Variants in CCT6B observed in about 807,000 individuals in gnomAD.
The protein encoded by CCT6B is probable T-complex protein 1 subunit zeta-2.
CCT6B carries 49 observed loss-of-function variants against 61.5 expected under a neutral mutation model. The observed-to-expected ratio is 0.80, with a 90% CI of 0.63 to 1.01. The LOEUF is 1.01. Ranked by LOEUF, CCT6B falls within the 50% of genes least tolerant of loss-of-function variation. The pLI, the probability that CCT6B is intolerant of heterozygous loss-of-function variation, is 0.00. For missense variants in CCT6B, 666 were observed against 634.7 expected, an observed-to-expected ratio of 1.05 and a Z score of -0.53; for synonymous variants, 228 against 214.5, an observed-to-expected ratio of 1.06 and a Z score of -0.55.
intron 13 of CCT6B, among the ~76,000 whole-genome samples, chr17:34,928,326 G>A (rs2089992656): frequency 6.6e-6 from 1 of 150,854 alleles, no homozygotes; most frequent in Non-Finnish European, 1.5e-5. Flanking sequence ...AGGCTGAAGT[G>A]CAATGGCAAG....
At chr17:34,944,145 A>T (rs1369311230) in intron 5 of CCT6B, 2 of 152,178 alleles carry the variant, frequency 1.3e-5, no homozygotes. Context: ...TATGTTCAAC[A>T]TTCCTCACTC....
rs140139242 is a variant in CCT6B, at chr17:34,961,166, T to G, written c.137+91A>C. ...GAGGGAAATCAAGCTCGCAAGAACA[T>G]CCACAGCGCTACGCGGACGCCTGCC... On this transcript the variant is annotated intron_variant, in intron 1 of 13. Coordinates refer to ENST00000314144, the MANE Select transcript of CCT6B (RefSeq NM_006584.4). The G allele has an allele frequency of 1.6e-4, 232 of 1,438,684 alleles. No individual in the cohort carries two copies. The African/African-American group carries it at 2.5e-3, about 15-fold the overall frequency. The allele number at this position is 1,438,684 out of a possible 1,614,324, so 89.1% of individuals were successfully genotyped here.
chr17:34,933,234 C>G (rs1447664105), intron 10 of CCT6B, among the ~76,000 whole-genome samples: 16 of 152,116 alleles, frequency 1.1e-4, no homozygotes, highest in Non-Finnish European at 2.4e-4. Context: ...TGTACTGCAG[C>G]AGAACTCAAA....
rs1012332350 is a variant in CCT6B at position 34,961,183 on chromosome 17, A to G, written c.137+74T>C. On this transcript the variant is annotated intron_variant, in intron 1 of 13. Transcript: ENST00000314144. ...CAAGAACATCCACAGCGCTACGCGG[A>G]CGCCTGCCTCAGAGGGCGACAGGAC... 6.0e-6 allele frequency: 9 copies of G among 1,505,912 alleles called. No homozygotes were observed. In the Admixed American group the frequency reaches 8.2e-5, roughly 14 times the overall value. 93.3% of individuals were successfully genotyped at this position (1,505,912 alleles called of 1,614,324 possible). A position where few individuals can be genotyped will look rare whatever the true frequency, so the allele number is the denominator to read the frequency against.
chr17:34,929,581 T>G (rs185154940), intron 12 of CCT6B, among the ~76,000 whole-genome samples: 4 of 150,866 alleles, frequency 2.7e-5, no homozygotes, highest in Admixed American at 2.6e-4. Context: ...TGGTGCCATC[T>G]CGGCTCCCTG....
At chr17:34,959,291 A>ATTTTTTT (rs1160595019) in intron 2 of CCT6B, among the ~76,000 whole-genome samples, 1 of 129,472 alleles carries the variant, frequency 7.7e-6, no homozygotes. Flanking sequence ...ACTGAGCAAA[A>ATTTTTTT]TTTTTTTTTT....
At chr17:34,945,158 A>G (rs2090209305) in intron 5 of CCT6B, among the ~76,000 whole-genome samples, 1 of 152,048 alleles carries the variant, frequency 6.6e-6, no homozygotes, top group African/African-American at 2.4e-5. Context: ...CTAAACATCC[A>G]AGTTCCTAGG....
chr17:34,928,346 T>C lies in CCT6B; in HGVS notation c.1524-229A>G, dbSNP rs565708026. Among the ~76,000 whole-genome samples the C allele has an allele frequency of 3.9e-5, 6 of 152,138 alleles. No homozygotes were observed. In the East Asian group the frequency reaches 1.2e-3, roughly 29 times the overall value. On this transcript the variant is annotated intron_variant, in intron 13 of 13. Coordinates refer to ENST00000314144, the MANE Select transcript of CCT6B (RefSeq NM_006584.4). ...GAAGTGCAATGGCAAGACCTCAGCTTACTGCAACTTCTGCCTCCCAGGTTC... is the reference window on the plus strand; with the variant it reads ...GAAGTGCAATGGCAAGACCTCAGCTCACTGCAACTTCTGCCTCCCAGGTTC...
Position 34,952,125 on chromosome 17 carries a change from A to G in CCT6B, c.511-72T>C, listed in dbSNP as rs1056663375. 17 of 908,910 alleles carry G rather than the reference A, an allele frequency of 1.9e-5. No homozygotes were observed. In the African/African-American group the frequency reaches 2.5e-4, roughly 13 times the overall value. The allele number at this position is 908,910 out of a possible 1,614,324, so 56.3% of individuals were successfully genotyped here. A position where few individuals can be genotyped will look rare whatever the true frequency, so the allele number is the denominator to read the frequency against. On this transcript the variant is annotated intron_variant, in intron 4 of 13. Transcript: ENST00000314144. ...AATAAACCAAGGGCCCAAACAATCTATCACCAGACTAAGGAGATAAAAGCC... is the reference window on the plus strand; with the variant it reads ...AATAAACCAAGGGCCCAAACAATCTGTCACCAGACTAAGGAGATAAAAGCC...
In CCT6B at chr17:34,958,705, C is replaced by A; in HGVS notation, c.202-11G>T. The A allele has an allele frequency of 1.3e-6, 2 of 1,585,926 alleles. No homozygotes were observed. Among genetic ancestry groups the A allele is most frequent in the Non-Finnish European group, 1.7e-6 (2 of 1,166,820 alleles). On this transcript the variant is annotated splice_polypyrimidine_tract_variant and intron_variant, in intron 2 of 13. Coordinates refer to ENST00000314144, the MANE Select transcript of CCT6B (RefSeq NM_006584.4). ...TGGATGTTGAATTTGCTGGAAAAAGCAAGCAACAGATTTAAAAAGACAGGA... is the reference window on the plus strand; with the variant it reads ...TGGATGTTGAATTTGCTGGAAAAAGAAAGCAACAGATTTAAAAAGACAGGA...
intron 7 of CCT6B, among the ~76,000 whole-genome samples, chr17:34,942,128 T>G (rs1015918548): frequency 1.3e-5 from 2 of 151,482 alleles, no homozygotes; most frequent in Non-Finnish European, 2.9e-5. Context: ...GAATCAAAAT[T>G]TAATAAATTA....
intron 4 of CCT6B, among the ~76,000 whole-genome samples, chr17:34,953,001 C>A (rs1290064224): frequency 6.6e-6 from 1 of 152,096 alleles, no homozygotes; most frequent in Non-Finnish European, 1.5e-5. Context: ...TCTGACTCTG[C>A]TCATCAAGAA....
rs1280861242 is a variant in CCT6B at position 34,934,134 on chromosome 17, G to GAA, written c.1214-1636_1214-1635dup. ...ACAGATCGAGACTCTGTTTCAAAAAGAAAAAAAAAAAAAAAAAACTAAAAA... is the reference window on the plus strand; with the variant it reads ...ACAGATCGAGACTCTGTTTCAAAAAGAAAAAAAAAAAAAAAAAAAACTAAAAA... On this transcript the variant is annotated intron_variant, in intron 10 of 13. Coordinates refer to ENST00000314144, the MANE Select transcript of CCT6B (RefSeq NM_006584.4). Among the ~76,000 whole-genome samples the GAA allele has an allele frequency of 6.6e-4, 50 of 75,848 alleles. No homozygotes were observed. In the South Asian group the frequency reaches 0.014, roughly 21 times the overall value. 49.8% of individuals were successfully genotyped at this position (75,848 alleles called of 152,430 possible).
chr17:34,956,358 C>T (rs963581643), intron 3 of CCT6B, among the ~76,000 whole-genome samples: 2 of 152,216 alleles, frequency 1.3e-5, no homozygotes, highest in Non-Finnish European at 2.9e-5. Flanking sequence ...CCTCCTCATC[C>T]TGAAGATTTA....
chr17:34,958,491 CA>C, intron 3 of CCT6B, 68 bp downstream of exon 3: 3 of 940,142 alleles, frequency 3.2e-6, no homozygotes, highest in Non-Finnish European at 4.5e-6. Flanking sequence ...GTCTAAAACT[CA>C]ACCATTTTAC....
chr17:34,961,460 C>G lies in CCT6B; in HGVS notation c.-67G>C. ...GCGATTCTGAGCAAAAACGGCAATG[C>G]GACGCCACGCTCTCTTGAGCCTCGG... On this transcript the variant is annotated 5_prime_UTR_variant, in exon 1 of 14. Transcript: ENST00000314144. 6.4e-7 allele frequency: 1 copy of G among 1,560,598 alleles called. No homozygotes were observed. Among genetic ancestry groups the G allele is most frequent in the Non-Finnish European group, 8.6e-7 (1 of 1,156,472 alleles).
chr17:34,938,064 T>C (rs2090114890), intron 10 of CCT6B, among the ~76,000 whole-genome samples: 1 of 151,940 alleles, frequency 6.6e-6, no homozygotes, highest in South Asian at 2.1e-4. Flanking sequence ...TATTTGTGTG[T>C]GTGTGTGTAG....
chr17:34,952,129 C>A, intron 4 of CCT6B, 76 bp from the exon 5 acceptor site: 1 of 886,598 alleles, frequency 1.1e-6, no homozygotes, highest in Non-Finnish European at 1.8e-6. Context: ...CAATCTATCA[C>A]CAGACTAAGG....
intron 4 of CCT6B, 134 bp downstream of exon 4, chr17:34,954,292 A>T: frequency 1.6e-6 from 1 of 643,820 alleles, no homozygotes; most frequent in East Asian, 2.8e-5. Flanking sequence ...AGTTAGGCCT[A>T]TACAATAATT....
Sources: allele counts gnomAD v4.1 joint callset (sites outside exome capture counted in the v4.1 genomes callset), GRCh38; gene constraint gnomAD v4.1.1; transcripts MANE v1.5; gene names NCBI Gene and HGNC (gene_info 2026-07-23, HGNC 2026-07-21).